KHDC1: variants seen among roughly 807,000 people sequenced by gnomAD.
The protein encoded by KHDC1 is KH homology domain-containing protein 1.
In KHDC1, 21 loss-of-function variants were observed where a neutral mutation model predicts 24.7. The ratio of observed to expected loss-of-function variants is 0.85; its 90% confidence interval spans 0.60 to 1.23. KHDC1 has a LOEUF of 1.23. KHDC1 is among the 50% of genes most tolerant of loss of function. The pLI is 0.00. For missense variants in KHDC1, 274 were observed against 298.5 expected, an observed-to-expected ratio of 0.92 and a Z score of 0.61; for synonymous variants, 98 against 111.7, an observed-to-expected ratio of 0.88 and a Z score of 0.77.
At chr6:73,289,986 G>A (rs1271726620) in intron 2 of KHDC1, among the ~76,000 whole-genome samples, 1 of 150,546 alleles carries the variant, frequency 6.6e-6, no homozygotes, top group African/African-American at 2.4e-5. Flanking sequence ...TGTAGTCCCA[G>A]CTACTGGGGA....
intron 2 of KHDC1, among the ~76,000 whole-genome samples, chr6:73,265,824 T>TA (rs1170058934): frequency 6.6e-6 from 1 of 152,120 alleles, no homozygotes; most frequent in African/African-American, 2.4e-5. Context: ...CAGTGGCTCA[T>TA]ACCTGTAATC....
intron 1 of KHDC1, among the ~76,000 whole-genome samples, chr6:73,295,276 C>T (rs1419642385): frequency 6.6e-6 from 1 of 152,172 alleles, no homozygotes; most frequent in Non-Finnish European, 1.5e-5. Flanking sequence ...CCTGAGGCCT[C>T]CCCAGGAGCC....
chr6:73,307,455 A>ATT (rs1322975275), intron 1 of KHDC1, among the ~76,000 whole-genome samples: 1 of 151,996 alleles, frequency 6.6e-6, no homozygotes. Context: ...TAATTAATTA[A>ATT]ATAAAATCAT....
rs6933445 is a variant in KHDC1, at chr6:73,256,483, G to C, written c.207-13953C>G. Among the ~76,000 whole-genome samples, 1,206 of 152,328 alleles carry C rather than the reference G, an allele frequency of 7.9e-3. 17 individuals are homozygous for C. The highest frequency in any genetic ancestry group is 0.027 in the African/African-American group (1,133 of 41,576). On this transcript the variant is annotated intron_variant, in intron 2 of 4. Coordinates refer to ENST00000370384, the Ensembl canonical transcript of KHDC1. ...CAGGTTTAGACATAAGCCAGTCAGG[G>C]AGTCTGGCGTTACAAATGATATTTG...
chr6:73,267,010 A>G (rs182988921), intron 2 of KHDC1, among the ~76,000 whole-genome samples: 7 of 152,238 alleles, frequency 4.6e-5, no homozygotes, highest in African/African-American at 1.7e-4. Flanking sequence ...CAACATTGCA[A>G]GGCCCTATCT....
chr6:73,264,082 C>T (rs1040710969), intron 2 of KHDC1, among the ~76,000 whole-genome samples: 2 of 152,046 alleles, frequency 1.3e-5, no homozygotes, highest in African/African-American at 2.4e-5. Context: ...GCCTGTAGCC[C>T]AAGCTATATG....
chr6:73,272,031 T>G (rs2150611632), intron 2 of KHDC1, among the ~76,000 whole-genome samples: 2 of 151,466 alleles, frequency 1.3e-5, no homozygotes, highest in South Asian at 4.2e-4. Context: ...AAATTGTGCT[T>G]TTCTATGAGT....
At chr6:73,309,591 C>G (rs1001451392) in exon 1 of KHDC1, 14 of 1,545,996 alleles carry the variant, frequency 9.1e-6, no homozygotes, top group Non-Finnish European at 1.2e-5. Flanking sequence ...GACACTGTCC[C>G]GATCAGGAGC....
chr6:73,264,409 C>T (rs1352439338), intron 2 of KHDC1, among the ~76,000 whole-genome samples: 1 of 152,212 alleles, frequency 6.6e-6, no homozygotes, highest in Non-Finnish European at 1.5e-5. Flanking sequence ...TCAGCTAGTT[C>T]AGACACAGCC....
chr6:73,259,318 C>T (rs144292648), intron 2 of KHDC1, among the ~76,000 whole-genome samples: 15 of 97,630 alleles, frequency 1.5e-4, no homozygotes, highest in Admixed American at 2.5e-4. Context: ...GACGGAGTCT[C>T]GCTCTGTCGC....
chr6:73,275,749 A>G (rs1469139159), intron 2 of KHDC1: 2 of 157,998 alleles, frequency 1.3e-5, no homozygotes, highest in East Asian at 1.9e-4. Context: ...TAAAACTTCA[A>G]CCTTCCTTTC....
chr6:73,283,326 A>G (rs530023242), intron 2 of KHDC1, among the ~76,000 whole-genome samples: 1 of 146,846 alleles, frequency 6.8e-6, no homozygotes, highest in African/African-American at 2.6e-5. Context: ...AAGTGTTACT[A>G]GTTTTTTTTT....
intron 2 of KHDC1, among the ~76,000 whole-genome samples, chr6:73,245,878 C>T (rs908237291): frequency 1.3e-5 from 2 of 152,098 alleles, no homozygotes; most frequent in Non-Finnish European, 1.5e-5. Flanking sequence ...AATCCATTCT[C>T]GAGATAAGCA....
chr6:73,248,099 T>A (rs1766702692), intron 2 of KHDC1, among the ~76,000 whole-genome samples: 1 of 151,820 alleles, frequency 6.6e-6, no homozygotes, highest in Non-Finnish European at 1.5e-5. Flanking sequence ...AGCAGTGGAG[T>A]CCCAGACCTG....
chr6:73,306,634 A>T (rs1767967667), intron 1 of KHDC1, among the ~76,000 whole-genome samples: 1 of 151,978 alleles, frequency 6.6e-6, no homozygotes, highest in Non-Finnish European at 1.5e-5. Flanking sequence ...AATTCCCCAG[A>T]ATAGATAATA....
intron 2 of KHDC1, among the ~76,000 whole-genome samples, chr6:73,249,384 C>T (rs62411447): frequency 0.067 from 10,237 of 152,096 alleles, 466 homozygotes; most frequent in Middle Eastern, 0.12. Flanking sequence ...CAGCTGGTGC[C>T]GCTGGAAAAA....
intron 2 of KHDC1, among the ~76,000 whole-genome samples, chr6:73,248,954 A>G (rs972118987): frequency 2.4e-4 from 37 of 151,888 alleles, no homozygotes; most frequent in Middle Eastern, 3.4e-3. Context: ...AAAAAAAAAA[A>G]AAAGAAAGAA....
chr6:73,305,492 C>G (rs1767947344), intron 1 of KHDC1, among the ~76,000 whole-genome samples: 1 of 151,932 alleles, frequency 6.6e-6, no homozygotes, highest in Admixed American at 6.6e-5. Flanking sequence ...AATCAGAGAA[C>G]CAATCTCATG....
rs59935884 is a variant in KHDC1 at position 73,259,280 on chromosome 6, C to CTTTTTTTTTTTTT, written c.207-16763_207-16751dup. On this transcript the variant is annotated intron_variant, in intron 2 of 4. Transcript: ENST00000370384. Reference sequence around the variant, plus strand: ...GCTTTCTGCTGACAAATCCAATATGCTTTTTTTTTTTTTTTTTTTTTTTTT... The same window carrying CTTTTTTTTTTTTT: ...GCTTTCTGCTGACAAATCCAATATGCTTTTTTTTTTTTTTTTTTTTTTTTTTTTTTTTTTTTTT... Among the ~76,000 whole-genome samples the CTTTTTTTTTTTTT allele has an allele frequency of 1.5e-3, 112 of 73,258 alleles. 18 individuals carry two copies. The highest frequency in any genetic ancestry group is 5.9e-3 in the African/African-American group (93 of 15,748). The allele number at this position is 73,258 out of a possible 152,430, so 48.1% of individuals were successfully genotyped here.
Sources: allele counts gnomAD v4.1 joint callset (sites outside exome capture counted in the v4.1 genomes callset), GRCh38; gene constraint gnomAD v4.1.1; transcripts MANE v1.5; gene names NCBI Gene and HGNC (gene_info 2026-07-23, HGNC 2026-07-21).